ZNF184: variants seen among roughly 807,000 people sequenced by gnomAD.
ZNF184 encodes zinc finger protein 184.
ZNF184 carries 16 observed loss-of-function variants against 54.4 expected under a neutral mutation model. That is an observed-to-expected ratio of 0.29 (90% CI 0.20 to 0.45). The LOEUF (loss-of-function observed/expected upper bound fraction) is 0.45, where lower values mean the gene tolerates loss of function less well. ZNF184 is among the 20% of genes least tolerant of loss of function. The pLI, the probability that ZNF184 is intolerant of heterozygous loss-of-function variation, is 1.00. For synonymous variants in ZNF184, 254 were observed against 295.3 expected, an observed-to-expected ratio of 0.86 and a Z score of 1.43; for missense variants, 681 against 888.2, an observed-to-expected ratio of 0.77 and a Z score of 2.97.
intron 4 of ZNF184, 48 bp downstream of exon 4, chr6:27,457,235 C>G: frequency 2.5e-6 from 4 of 1,594,664 alleles, no homozygotes; most frequent in South Asian, 2.3e-5. Flanking sequence ...AAGAGAGAAC[C>G]CTCCTCCTGC....
At chr6:27,416,816 T>C in the ZNF184 span, among the ~76,000 whole-genome samples, 3 of 152,198 alleles carry the variant, frequency 2.0e-5, no homozygotes, top group Non-Finnish European at 4.4e-5. Context: ...TTGTTATGAA[T>C]TTGTCTTATT....
the ZNF184 span, among the ~76,000 whole-genome samples, chr6:27,441,557 T>C: frequency 7.1e-6 from 1 of 140,828 alleles, no homozygotes; most frequent in Non-Finnish European, 1.7e-5. Context: ...TCTATATGAT[T>C]GACCTTAGGA....
At chr6:27,425,744 G>T in the ZNF184 span, among the ~76,000 whole-genome samples, 6 of 152,210 alleles carry the variant, frequency 3.9e-5, no homozygotes, top group African/African-American at 1.4e-4. Context: ...TTTCACCTCC[G>T]CTGTCATCTT....
the ZNF184 span, among the ~76,000 whole-genome samples, chr6:27,417,207 T>C: frequency 3.9e-5 from 6 of 152,174 alleles, no homozygotes; most frequent in African/African-American, 1.2e-4. Flanking sequence ...TCAAAGTGAC[T>C]CTAAGAGGAA....
chr6:27,411,781 G>A, the ZNF184 span, among the ~76,000 whole-genome samples: 1 of 152,238 alleles, frequency 6.6e-6, no homozygotes. Context: ...TTACAAGGAG[G>A]CTATATCTAG....
chr6:27,427,116 T>TAAAAAAAAAAAAAAA, the ZNF184 span, among the ~76,000 whole-genome samples: 1 of 106,900 alleles, frequency 9.4e-6, no homozygotes. Context: ...ACACTCTATG[T>TAAAAAAAAAAAAAAA]AAAAAAAAAA....
the ZNF184 span, chr6:27,408,079 AT>A: frequency 1.3e-6 from 1 of 782,164 alleles, no homozygotes; most frequent in Non-Finnish European, 2.3e-6. Flanking sequence ...AAATTAACTC[AT>A]TTCTAACTAC....
At chr6:27,442,859 A>AAAG in the ZNF184 span, among the ~76,000 whole-genome samples, 1 of 70,638 alleles carries the variant, frequency 1.4e-5, no homozygotes, top group East Asian at 3.6e-4. Context: ...AGAAAGAAAG[A>AAAG]AAGAAAGAAA....
At chr6:27,455,784 C>G (rs1436586785) in intron 5 of ZNF184, among the ~76,000 whole-genome samples, 1 of 152,090 alleles carries the variant, frequency 6.6e-6, no homozygotes, top group African/African-American at 2.4e-5. Flanking sequence ...ATACATTTTT[C>G]CCCCGTAAAG....
At chr6:27,432,434 A>C in the ZNF184 span, among the ~76,000 whole-genome samples, 1 of 152,148 alleles carries the variant, frequency 6.6e-6, no homozygotes, top group Non-Finnish European at 1.5e-5. This position sits in a 1 kb window ranked among gnomAD's most constrained non-coding sequence, Gnocchi z 4.0. Context: ...GACTAAGGAA[A>C]ATTTCTTAAT....
In ZNF184 at chr6:27,473,099, C is replaced by G. The variant is rs756311012; in HGVS notation, c.-510G>C. ...CTTCCAGCGCGCCAACCTCTTTCCACGCCTACAACCGGCTTCAACGGTCAC... is the reference window on the plus strand; with the variant it reads ...CTTCCAGCGCGCCAACCTCTTTCCAGGCCTACAACCGGCTTCAACGGTCAC... On this transcript the variant is annotated 5_prime_UTR_variant, in exon 1 of 6. Coordinates refer to ENST00000683788, the MANE Select transcript of ZNF184 (RefSeq NM_001318891.2). 1 of 152,460 alleles carries G rather than the reference C, an allele frequency of 6.6e-6. No homozygotes were observed. The highest frequency in any genetic ancestry group is 2.1e-4 in the South Asian group (1 of 4,834). The allele number at this position is 152,460 out of a possible 1,614,324, so 9.4% of individuals were successfully genotyped here.
chr6:27,419,862 A>G, the ZNF184 span, among the ~76,000 whole-genome samples: 6 of 152,106 alleles, frequency 3.9e-5, no homozygotes, highest in African/African-American at 1.4e-4. This position sits in a 1 kb window ranked among gnomAD's most constrained non-coding sequence, Gnocchi z 4.8. Context: ...CCACAGTCTC[A>G]TCTCAGCTAG....
rs1762774704 is a variant in ZNF184 at position 27,453,064 on chromosome 6, C to T, written c.495G>A (p.Lys165=). ...AACTGGGTATTGTCTTTTCGGTTAC[C>T]TTTATTTCCTTTGGCAGTGTCTGTT... ...ANQQTLPKEI[K]VTEKTIPSWE... Residue 165 remains lysine (K), a synonymous_variant, in exon 6 of 6, where the codon AAG becomes AAA. Transcript: ENST00000683788. This position sits in a 1 kb window ranked among gnomAD's most constrained non-coding sequence, Gnocchi z 4.7. 1 of 1,613,972 alleles carries T rather than the reference C, an allele frequency of 6.2e-7. No homozygotes were observed. Among genetic ancestry groups the T allele is most frequent in the East Asian group, 2.2e-5 (1 of 44,862 alleles).
chr6:27,447,590 G>A (rs545252277), downstream of ZNF184, among the ~76,000 whole-genome samples: 24 of 152,184 alleles, frequency 1.6e-4, no homozygotes, highest in Non-Finnish European at 3.1e-4. Flanking sequence ...GCAGGCGCCC[G>A]TAATCCCAGC....
At chr6:27,458,310 A>C (rs202178975) in intron 3 of ZNF184, among the ~76,000 whole-genome samples, 9,879 of 148,686 alleles carry the variant, frequency 0.066, 411 homozygotes, top group Middle Eastern at 0.17. Flanking sequence ...AAAAAAAAAA[A>C]AAAAAAAAAA....
chr6:27,452,571 C>T lies in ZNF184; in HGVS notation c.988G>A (p.Gly330Ser). Residue 330 changes from glycine to serine, a missense_variant, in exon 6 of 6, where the codon GGC becomes AGC. Physicochemically the swap from Gly to Ser is moderately conservative, Grantham distance 56. Transcript: ENST00000683788. The surrounding 1 kb of genome is among the most constrained non-coding windows in gnomAD (Gnocchi z 5.5). ...HLVQHQRIHTGEKPYTCNECG... is the reference protein window; with the variant it reads ...HLVQHQRIHTSEKPYTCNECG... ...TCATTACAAGTGTATGGCTTCTCGCCAGTATGAATTCTCTGATGCTGAACA... is the reference window on the plus strand; with the variant it reads ...TCATTACAAGTGTATGGCTTCTCGCTAGTATGAATTCTCTGATGCTGAACA... 1 of 1,614,032 alleles carries T rather than the reference C, an allele frequency of 6.2e-7. No individual in the cohort carries two copies. The highest frequency in any genetic ancestry group is 8.5e-7 in the Non-Finnish European group (1 of 1,180,004).
chr6:27,465,484 CAAAAAAA>C (rs60538455), intron 3 of ZNF184, among the ~76,000 whole-genome samples: 19 of 35,164 alleles, frequency 5.4e-4, no homozygotes, highest in African/African-American at 1.3e-3. Flanking sequence ...GACTCCATCT[CAAAAAAA>C]AAAAAAAAAA....
chr6:27,467,539 G>A (rs1288673014), intron 3 of ZNF184, among the ~76,000 whole-genome samples: 1 of 152,122 alleles, frequency 6.6e-6, no homozygotes, highest in Non-Finnish European at 1.5e-5. Context: ...AGGTTGCAGT[G>A]AGCGGAGATC....
chr6:27,424,357 A>G, the ZNF184 span, among the ~76,000 whole-genome samples: 2 of 152,210 alleles, frequency 1.3e-5, no homozygotes, highest in African/African-American at 4.8e-5. Context: ...CACAGGGTAC[A>G]AGGAAAGCCG....
Sources: allele counts gnomAD v4.1 joint callset (sites outside exome capture counted in the v4.1 genomes callset), GRCh38; gene constraint gnomAD v4.1.1; non-coding constraint Gnocchi (gnomAD v3.1); transcripts MANE v1.5; gene names NCBI Gene and HGNC (gene_info 2026-07-23, HGNC 2026-07-21).